Variants in ZNF385D observed in about 807,000 individuals in gnomAD.
ZNF385D encodes the protein zinc finger protein 385D.
A neutral mutation model predicts 35.8 loss-of-function variants in ZNF385D; 15 were observed. The observed-to-expected ratio is 0.42, with a 90% CI of 0.28 to 0.64. The LOEUF (loss-of-function observed/expected upper bound fraction) is 0.64. ZNF385D is among the 30% of genes least tolerant of loss of function. The pLI is 0.23. For synonymous variants in ZNF385D, 212 were observed against 186.8 expected (o/e 1.13, Z -1.10); for missense variants, 474 against 494.6 (o/e 0.96, Z 0.39).
intron 3 of ZNF385D, among the ~76,000 whole-genome samples, chr3:21,545,668 G>T (rs1221720722): frequency 2.6e-5 from 4 of 152,092 alleles, no homozygotes; most frequent in Admixed American, 6.5e-5. Flanking sequence ...ATTTTATCAA[G>T]ACTTTGACTG....
intron 2 of ZNF385D, among the ~76,000 whole-genome samples, chr3:21,617,125 C>A (rs1365609366): frequency 6.6e-6 from 1 of 152,134 alleles, no homozygotes; most frequent in Non-Finnish European, 1.5e-5. Flanking sequence ...CATTTACAAG[C>A]CTTAATGTGT....
intron 3 of ZNF385D, among the ~76,000 whole-genome samples, chr3:21,954,680 A>G (rs765342540): frequency 2.0e-5 from 3 of 152,114 alleles, no homozygotes; most frequent in Non-Finnish European, 4.4e-5. Flanking sequence ...AAGGTAAAAC[A>G]TTATTTCTAT....
At chr3:21,622,330 T>TG (rs2065030591) in intron 2 of ZNF385D, among the ~76,000 whole-genome samples, 1 of 152,176 alleles carries the variant, frequency 6.6e-6, no homozygotes, top group Non-Finnish European at 1.5e-5. Flanking sequence ...AGAGGTCATT[T>TG]GCTTATAAAC....
Position 21,751,041 on chromosome 3 carries a change from G to C in ZNF385D, c.-125C>G, listed in dbSNP as rs1043411308. 5.0e-5 allele frequency: 78 copies of C among 1,563,302 alleles called. No individual in the cohort carries two copies. The highest frequency in any genetic ancestry group is 6.6e-5 in the Non-Finnish European group (76 of 1,154,592). On this transcript the variant is annotated 5_prime_UTR_variant, in exon 1 of 8. Transcript: ENST00000281523. ...ATGTCCCCGGCGTGGAGAGCAGTGA[G>C]CGCCGAGAGCGTGCCTCCTCCGCGG...
intron 3 of ZNF385D, among the ~76,000 whole-genome samples, chr3:21,854,218 G>A (rs956738785): frequency 2.6e-4 from 39 of 151,972 alleles, no homozygotes; most frequent in African/African-American, 8.9e-4. Flanking sequence ...CATCCTTAAA[G>A]GAGAGCTTTT....
chr3:22,164,812 T>C (rs1396755276), intron 3 of ZNF385D, among the ~76,000 whole-genome samples: 1 of 151,988 alleles, frequency 6.6e-6, no homozygotes, highest in Non-Finnish European at 1.5e-5. Flanking sequence ...AATTTTTATT[T>C]AAAAGCAGGA....
intron 3 of ZNF385D, among the ~76,000 whole-genome samples, chr3:22,063,981 A>T (rs1167192174): frequency 1.3e-5 from 2 of 152,212 alleles, no homozygotes. Flanking sequence ...GCCCCAATAC[A>T]GTTGCTGTAA....
intron 2 of ZNF385D, among the ~76,000 whole-genome samples, chr3:22,181,839 G>T (rs1197946263): frequency 1.3e-5 from 2 of 151,866 alleles, no homozygotes; most frequent in East Asian, 3.9e-4. Flanking sequence ...TTTTCATGTT[G>T]TCTTACATTT....
intron 3 of ZNF385D, among the ~76,000 whole-genome samples, chr3:21,917,387 G>C (rs911903704): frequency 2.0e-5 from 3 of 151,980 alleles, no homozygotes; most frequent in African/African-American, 4.8e-5. Flanking sequence ...AGCTGAGATC[G>C]GGCCATTGCA....
chr3:21,675,719 T>A (rs969301360), intron 1 of ZNF385D, among the ~76,000 whole-genome samples: 1 of 152,102 alleles, frequency 6.6e-6, no homozygotes, highest in African/African-American at 2.4e-5. Context: ...TTCATAAGCA[T>A]CTTGCCTCCA....
At chr3:22,029,923 T>A (rs971484387) in intron 3 of ZNF385D, among the ~76,000 whole-genome samples, 10 of 152,050 alleles carry the variant, frequency 6.6e-5, no homozygotes, top group African/African-American at 2.4e-4. Context: ...ATACAAAGTA[T>A]TGATCCCCTG....
intron 1 of ZNF385D, among the ~76,000 whole-genome samples, chr3:21,738,800 G>C (rs879518414): frequency 6.6e-6 from 1 of 152,148 alleles, no homozygotes; most frequent in Non-Finnish European, 1.5e-5. Flanking sequence ...CTCTAAAATG[G>C]AAATAAACAA....
chr3:22,292,992 A>T (rs1190327755), intron 2 of ZNF385D, among the ~76,000 whole-genome samples: 2 of 152,128 alleles, frequency 1.3e-5, no homozygotes, highest in African/African-American at 4.8e-5. Context: ...ATGCAACTAC[A>T]TGATTTATTA....
chr3:22,231,741 G>C (rs1576535226), intron 2 of ZNF385D, among the ~76,000 whole-genome samples: 1 of 152,220 alleles, frequency 6.6e-6, no homozygotes, highest in South Asian at 2.1e-4. Flanking sequence ...GTTTGGCTCT[G>C]TGTCCCCACA....
intron 2 of ZNF385D, among the ~76,000 whole-genome samples, chr3:21,604,565 A>G (rs192073092): frequency 2.6e-5 from 4 of 152,338 alleles, no homozygotes; most frequent in African/African-American, 9.6e-5. Flanking sequence ...TGTGTTCCAG[A>G]GGCCACAGAC....
At chr3:21,950,612 G>C (rs972231200) in intron 3 of ZNF385D, among the ~76,000 whole-genome samples, 1 of 151,704 alleles carries the variant, frequency 6.6e-6, no homozygotes, top group African/African-American at 2.4e-5. Context: ...TAGTCATGAA[G>C]TCTTTGCCCA....
intron 4 of ZNF385D, among the ~76,000 whole-genome samples, chr3:21,466,898 C>G (rs1035778290): frequency 1.3e-5 from 2 of 151,972 alleles, no homozygotes; most frequent in African/African-American, 4.8e-5. Context: ...TATACTGGCC[C>G]AAAACAATGA....
chr3:21,810,695 A>C (rs1302523773), intron 3 of ZNF385D, among the ~76,000 whole-genome samples: 1 of 152,008 alleles, frequency 6.6e-6, no homozygotes, highest in Non-Finnish European at 1.5e-5. Context: ...TTAAAGTTTG[A>C]TTTTGGATCT....
At position 21,684,365 on chromosome 3, in the gene ZNF385D, CCT is replaced by C. The variant is rs373105142; in HGVS notation, c.23-19339_23-19338del. Among the ~76,000 whole-genome samples the C allele has an allele frequency of 3.8e-3, 278 of 73,324 alleles. 6 individuals are homozygous for C. Among genetic ancestry groups the C allele is most frequent in the South Asian group, 0.021 (33 of 1,592 alleles). 48.1% of individuals were successfully genotyped at this position (73,324 alleles called of 152,430 possible). The stretch of plus-strand genomic sequence containing the variant: ...AAAGCCATAAATGGTTAACTGTTCT[CCT>C]CTCTCTCTCTCTCTCTCTCTCTCTC... On this transcript the variant is annotated intron_variant, in intron 1 of 7. Coordinates refer to ENST00000281523, the MANE Select transcript of ZNF385D (RefSeq NM_024697.3).
Sources: allele counts gnomAD v4.1 joint callset (sites outside exome capture counted in the v4.1 genomes callset), GRCh38; gene constraint gnomAD v4.1.1; transcripts MANE v1.5; gene names NCBI Gene and HGNC (gene_info 2026-07-23, HGNC 2026-07-21).